Variants in USP37 observed in about 807,000 individuals in gnomAD.
USP37 encodes the protein ubiquitin specific peptidase 37.
In USP37, 27 loss-of-function variants were observed where a neutral mutation model predicts 124.0. The ratio of observed to expected loss-of-function variants is 0.22; its 90% CI spans 0.16 to 0.30. USP37 has a LOEUF of 0.30. USP37 is among the 10% of genes least tolerant of loss of function. USP37 has a pLI of 1.00. For missense variants in USP37, 889 were observed against 1,140.4 expected (o/e 0.78, Z 3.17); for synonymous variants, 365 against 388.0 (o/e 0.94, Z 0.70).
At chr2:218,506,283 T>C (rs1392584291) in intron 11 of USP37, among the ~76,000 whole-genome samples, 5 of 131,082 alleles carry the variant, frequency 3.8e-5, no homozygotes, top group Non-Finnish European at 7.7e-5. Flanking sequence ...ACTTTCTTTC[T>C]GGCTTTTTTT....
chr2:218,558,679 T>C lies in USP37; in HGVS notation c.-24-2A>G. The C allele has an allele frequency of 6.3e-7, 1 of 1,578,424 alleles. No individual in the cohort carries two copies. The highest frequency in any genetic ancestry group is 1.4e-5 in the African/African-American group (1 of 73,450). ...ATTTTCTTTAAAAATTGCTTCTGGC[T>C]AAATTAAAAAGCAAAAATATACCTT... On this transcript the variant is annotated splice_acceptor_variant, in intron 3 of 25. Coordinates refer to ENST00000258399, the MANE Select transcript of USP37 (RefSeq NM_020935.3). LOFTEE classifies it low-confidence loss of function (5UTR_SPLICE).
intron 8 of USP37, among the ~76,000 whole-genome samples, chr2:218,545,647 T>A (rs779166600): frequency 2.5e-4 from 38 of 151,988 alleles, no homozygotes; most frequent in Admixed American, 5.2e-4. Flanking sequence ...AGATTTTAAC[T>A]GATAACTGTA....
intron 13 of USP37, among the ~76,000 whole-genome samples, chr2:218,496,425 A>G (rs961962535): frequency 3.3e-5 from 5 of 152,230 alleles, no homozygotes; most frequent in East Asian, 1.9e-4. Flanking sequence ...GTTTATTCTT[A>G]TAAGAATTTG....
At chr2:218,475,033 C>A in intron 19 of USP37, 148 bp from the exon 20 acceptor site, 1 of 644,022 alleles carries the variant, frequency 1.6e-6, no homozygotes, top group Non-Finnish European at 2.4e-6. Context: ...AATATATAAA[C>A]TAAATGGTGA....
At chr2:218,466,410 A>C (rs1192567121) in intron 20 of USP37, among the ~76,000 whole-genome samples, 2 of 152,122 alleles carry the variant, frequency 1.3e-5, no homozygotes, top group Non-Finnish European at 2.9e-5. Context: ...TGTCCTGTGC[A>C]TTGTAGAACG....
intron 5 of USP37, 88 bp downstream of exon 5, chr2:218,553,465 C>T: frequency 8.1e-7 from 1 of 1,233,564 alleles, no homozygotes; most frequent in Non-Finnish European, 1.1e-6. Flanking sequence ...TTTTAATGTG[C>T]TGATGAATTC....
At chr2:218,511,081 T>C (rs1331261592) in intron 10 of USP37, among the ~76,000 whole-genome samples, 1 of 152,200 alleles carries the variant, frequency 6.6e-6, no homozygotes, top group East Asian at 1.9e-4. Context: ...TCCTGATTAC[T>C]ACTGAAACTA....
chr2:218,553,179 T>G (rs757968992), intron 5 of USP37, among the ~76,000 whole-genome samples: 32 of 152,192 alleles, frequency 2.1e-4, no homozygotes, highest in Non-Finnish European at 3.7e-4. Context: ...GAGGAAACAT[T>G]TCCAGTTTTT....
intron 10 of USP37, among the ~76,000 whole-genome samples, chr2:218,527,782 T>A (rs1490679482): frequency 1.3e-5 from 2 of 152,344 alleles, no homozygotes; most frequent in East Asian, 3.9e-4. Context: ...ACCACTGTAA[T>A]CTATAAAGTG....
chr2:218,474,628 A>C lies in USP37; in HGVS notation c.2299+2T>G. Reference sequence around the variant, plus strand: ...CAGAGGTTTAATCTTCATTAAACCTACCCAGCTCTGTGATTGTTTTGGGCT... The same window carrying C: ...CAGAGGTTTAATCTTCATTAAACCTCCCCAGCTCTGTGATTGTTTTGGGCT... On this transcript the variant is annotated splice_donor_variant, in intron 20 of 25. Coordinates refer to ENST00000258399, the MANE Select transcript of USP37 (RefSeq NM_020935.3). LOFTEE classifies it high-confidence loss of function. 6.2e-7 allele frequency: 1 copy of C among 1,614,060 alleles called. No homozygotes were observed.
Position 218,454,859 on chromosome 2 carries a change from A to G in USP37, c.*71T>C, listed in dbSNP as rs929926924. On this transcript the variant is annotated 3_prime_UTR_variant, in exon 26 of 26. Transcript: ENST00000258399. Reference sequence around the variant, plus strand: ...CAAGTAGAATTCCAAATTCTCCTTCAGCAGAGGAAAGGTGAGGTGGGCAGC... The same window carrying G: ...CAAGTAGAATTCCAAATTCTCCTTCGGCAGAGGAAAGGTGAGGTGGGCAGC... 1.2e-5 allele frequency: 19 copies of G among 1,575,726 alleles called. No individual in the cohort carries two copies. Among genetic ancestry groups the G allele is most frequent in the African/African-American group, 1.1e-4 (8 of 72,918 alleles).
chr2:218,562,848 C>A (rs1693377634), intron 1 of USP37, 35 bp from the exon 2 acceptor site: 1 of 397,540 alleles, frequency 2.5e-6, no homozygotes, highest in Non-Finnish European at 4.4e-6. Flanking sequence ...TTAAAAAGAA[C>A]CCAATATACA....
chr2:218,461,983 C>T (rs1329538056), intron 22 of USP37, among the ~76,000 whole-genome samples: 1 of 152,156 alleles, frequency 6.6e-6, no homozygotes, highest in Non-Finnish European at 1.5e-5. Context: ...ATGGTGAAAC[C>T]TCATCTCTAC....
intron 5 of USP37, among the ~76,000 whole-genome samples, chr2:218,551,426 G>A (rs1692659655): frequency 6.6e-6 from 1 of 152,182 alleles, no homozygotes; most frequent in Non-Finnish European, 1.5e-5. Flanking sequence ...ACATTTACGA[G>A]CTCTCATTCT....
intron 24 of USP37, among the ~76,000 whole-genome samples, chr2:218,456,311 TG>T (rs1689695462): frequency 6.6e-6 from 1 of 151,160 alleles, no homozygotes; most frequent in African/African-American, 2.4e-5. Context: ...ATTAGTCAGG[TG>T]TGGTGGCATG....
At chr2:218,475,745 A>C (rs1690934368) in intron 19 of USP37, among the ~76,000 whole-genome samples, 1 of 151,786 alleles carries the variant, frequency 6.6e-6, no homozygotes, top group Admixed American at 6.6e-5. Flanking sequence ...TAAATAAATA[A>C]ATAAATTAAA....
At chr2:218,536,223 T>G (rs1420561021) in intron 8 of USP37, among the ~76,000 whole-genome samples, 6 of 152,272 alleles carry the variant, frequency 3.9e-5, no homozygotes, top group Non-Finnish European at 7.4e-5. Context: ...TCAACCCATA[T>G]AAGTAGAGAG....
At chr2:218,540,590 T>C (rs1014542902) in intron 8 of USP37, among the ~76,000 whole-genome samples, 2 of 152,190 alleles carry the variant, frequency 1.3e-5, no homozygotes, top group African/African-American at 4.8e-5. Context: ...TACAGTGAGC[T>C]ATGACTACAC....
At position 218,495,775 on chromosome 2, in the gene USP37, G is replaced by A; in HGVS notation, c.1457C>T (p.Ser486Phe). Residue 486 changes from serine to phenylalanine, a missense_variant, in exon 14 of 26, where the codon TCC becomes TTC. Transcript: ENST00000258399. ...CACTACTTACGCTTTACAAATGATG[G>A]AGTGCTGAACCTCAAACTCCAAATT... ...ITNLEFEVQHSIICKACGEII... is the reference protein window; with the variant it reads ...ITNLEFEVQHFIICKACGEII... The A allele has an allele frequency of 6.2e-7, 1 of 1,610,032 alleles. No homozygotes were observed. Among genetic ancestry groups the A allele is most frequent in the Non-Finnish European group, 8.5e-7 (1 of 1,179,110 alleles).
Sources: gnomAD v4.1 joint callset for allele counts (sites outside exome capture counted in the v4.1 genomes callset) on GRCh38, gnomAD v4.1.1 for gene constraint, MANE v1.5 for transcripts, NCBI Gene and HGNC (gene_info 2026-07-23, HGNC 2026-07-21) for gene names.